The following CACNA1G variants were observed in gnomAD, a reference collection of about 807,000 sequenced individuals.
CACNA1G encodes the protein voltage-dependent T-type calcium channel subunit alpha-1G.
Under a neutral mutation model 219.4 loss-of-function variants are expected in CACNA1G, and 67 were observed. That is an observed-to-expected ratio of 0.31 (90% confidence interval 0.25 to 0.37). CACNA1G has a LOEUF of 0.37. Among genes scored for constraint, CACNA1G ranks in the 10% least tolerant of loss-of-function variants. The pLI, the probability that CACNA1G is intolerant of heterozygous loss-of-function variation, is 1.00. For synonymous variants in CACNA1G, 1,296 were observed against 1,345.3 expected (o/e 0.96, Z 0.80); for missense variants, 2,380 against 3,231.4 (o/e 0.74, Z 6.39).
chr17:50,597,851 G>A (rs1319016881), intron 16 of CACNA1G, among the ~76,000 whole-genome samples: 1 of 152,098 alleles, frequency 6.6e-6, no homozygotes, highest in East Asian at 1.9e-4. Context: ...CTACTTCTAT[G>A]AGTTCAATTT....
At position 50,603,180 on chromosome 17, in the gene CACNA1G, C is replaced by T. The variant is rs1184377600; in HGVS notation, c.4150C>T (p.Arg1384Trp). 6.2e-7 allele frequency: 1 copy of T among 1,605,950 alleles called. No individual in the cohort carries two copies. The highest frequency in any genetic ancestry group is 8.5e-7 in the Non-Finnish European group (1 of 1,179,628). Reference sequence around the variant, plus strand: ...CATGCTGAGGGTGCTGCGGCTGCTGCGGACCCTGCGCCCGCTCAGGTGACT... The same window carrying T: ...CATGCTGAGGGTGCTGCGGCTGCTGTGGACCCTGCGCCCGCTCAGGTGACT... Reference protein sequence around the residue: ...LGMLRVLRLLRTLRPLRVISR... With the variant: ...LGMLRVLRLLWTLRPLRVISR... The change falls in exon 21 of 38, where the codon CGG (arginine) becomes TGG (tryptophan). Residue 1384 changes from arginine (R) to tryptophan (W), a missense_variant. Physicochemically the swap from Arg to Trp is moderately radical, Grantham distance 101. This residue lies in a region of CACNA1G where 153 missense variants were observed against 374.9 expected (regional missense o/e 0.41). Transcript: ENST00000359106. The surrounding 1 kb of genome is among the most constrained non-coding windows in gnomAD (Gnocchi z 6.4).
Position 50,626,247 on chromosome 17 carries a change from G to C in CACNA1G, c.6630G>C (p.Glu2210Asp). ...PEPNWGKGPPETRSSLELDTE... is the reference protein window; with the variant it reads ...PEPNWGKGPPDTRSSLELDTE... Reference sequence around the variant, plus strand: ...CCAACTGGGGCAAGGGCCCTCCAGAGACCAGAAGCAGCTTAGAGTTGGACA... The same window carrying C: ...CCAACTGGGGCAAGGGCCCTCCAGACACCAGAAGCAGCTTAGAGTTGGACA... The change falls in exon 38 of 38, where the codon GAG becomes GAC. Residue 2210 changes from glutamate (E) to aspartate (D), a missense_variant. Coordinates refer to ENST00000359106, the MANE Select transcript of CACNA1G (RefSeq NM_018896.5). This position sits in a 1 kb window ranked among gnomAD's most constrained non-coding sequence, Gnocchi z 4.3. 6.2e-7 allele frequency: 1 copy of C among 1,613,822 alleles called. No homozygotes were observed. Among genetic ancestry groups the C allele is most frequent in the Middle Eastern group, 1.7e-4 (1 of 6,060 alleles).
rs977253251 is a variant in CACNA1G, at chr17:50,617,282, T to A, written c.5022-156T>A. The stretch of plus-strand genomic sequence containing the variant: ...CTACTCGTGCCACCAGTTGGCTGTG[T>A]GGCCTTAGATAAGCCACGCCTCTTC... On this transcript the variant is annotated intron_variant, in intron 28 of 37. Coordinates refer to ENST00000359106, the MANE Select transcript of CACNA1G (RefSeq NM_018896.5). The surrounding 1 kb of genome is among the most constrained non-coding windows in gnomAD (Gnocchi z 5.8). 5.9e-5 allele frequency among the ~76,000 whole-genome samples: 9 copies of A among 152,234 alleles called. No homozygotes were observed. Among genetic ancestry groups the A allele is most frequent in the Non-Finnish European group, 2.9e-5 (2 of 68,030 alleles).
At chr17:50,590,815 C>A (rs1033119893) in intron 10 of CACNA1G, among the ~76,000 whole-genome samples, 193 bp downstream of exon 10, 5 of 152,130 alleles carry the variant, frequency 3.3e-5, no homozygotes, top group African/African-American at 1.2e-4. Context: ...TCTCTCTTGG[C>A]CCCACCTTGC....
In CACNA1G at chr17:50,610,021, G is replaced by A. The variant is rs571993326; in HGVS notation, c.4759+86G>A. On this transcript the variant is annotated intron_variant, in intron 26 of 37. Coordinates refer to ENST00000359106, the MANE Select transcript of CACNA1G (RefSeq NM_018896.5). ...GGCTCATTGATTCTATCCTCTTGGG[G>A]TGAAAGGGTGAGGGTCCCTGGGGCC... 83 of 1,376,014 alleles carry A rather than the reference G, an allele frequency of 6.0e-5. 1 individual carries two copies. The South Asian group carries it at 8.4e-4, about 14-fold the overall frequency. The allele number at this position is 1,376,014 out of a possible 1,614,324, so 85.2% of individuals were successfully genotyped here.
chr17:50,605,788 C>T (rs1245803054), intron 22 of CACNA1G, 110 bp from the exon 23 acceptor site: 2 of 1,201,938 alleles, frequency 1.7e-6, no homozygotes, highest in Admixed American at 2.0e-5. Flanking sequence ...AGCAGAGCAC[C>T]CCACACTCAC....
At position 50,624,487 on chromosome 17, in the gene CACNA1G, A is replaced by G; in HGVS notation, c.6357A>G (p.Pro2119=). Reference sequence around the variant, plus strand: ...GGGGCACCATCCCCAAACTGCCCCCACCAGGACGCTCCCCTTTGGCTCAGA... The same window carrying G: ...GGGGCACCATCCCCAAACTGCCCCCGCCAGGACGCTCCCCTTTGGCTCAGA... The part of the protein sequence containing the change: ...PTWGTIPKLP[P]PGRSPLAQRP... Residue 2119 remains proline (P), a synonymous_variant, in exon 37 of 38, where the codon CCA becomes CCG. Transcript: ENST00000359106. 6.2e-7 allele frequency: 1 copy of G among 1,600,180 alleles called. No homozygotes were observed. The highest frequency in any genetic ancestry group is 8.5e-7 in the Non-Finnish European group (1 of 1,173,848).
chr17:50,604,027 C>A, intron 21 of CACNA1G, 128 bp from the exon 22 acceptor site: 1 of 916,766 alleles, frequency 1.1e-6, no homozygotes, highest in Non-Finnish European at 1.5e-6. Flanking sequence ...GAAAAGAGGA[C>A]TTGTGTTCTG....
Position 50,585,611 on chromosome 17 carries a change from GACACCTA to G in CACNA1G, c.2302-4859_2302-4853del, listed in dbSNP as rs2042845957. On this transcript the variant is annotated intron_variant, in intron 9 of 37. Transcript: ENST00000359106. ...GATTAGGAGGCCCTGGGGGCACCATGACACCTAGCAGTGTGCCCAGTGGGCAGGAGGG... is the reference window on the plus strand; with the variant it reads ...GATTAGGAGGCCCTGGGGGCACCATGGCAGTGTGCCCAGTGGGCAGGAGGG... 2.6e-5 allele frequency among the ~76,000 whole-genome samples: 4 copies of G among 152,194 alleles called. No individual in the cohort carries two copies. The South Asian group carries it at 8.3e-4, about 32-fold the overall frequency.
chr17:50,624,248 C>A, intron 36 of CACNA1G, 112 bp from the exon 37 acceptor site: 3 of 1,254,378 alleles, frequency 2.4e-6, no homozygotes, highest in African/African-American at 1.5e-5. Flanking sequence ...AGGGTAGAGG[C>A]CCTGATGAGG....
rs375782901 is a variant in CACNA1G, at chr17:50,592,042, G to A, written c.2860G>A (p.Val954Met). Residue 954 changes from valine (V) to methionine (M), a missense_variant, in exon 13 of 38, where the codon GTG (valine) becomes ATG (methionine). Physicochemically the swap from Val to Met is conservative, Grantham distance 21 (BLOSUM62 1). Around this residue, in one of 17 missense-constraint regions of CACNA1G, gnomAD observed 43 missense variants for 139.4 expected, o/e 0.31. Transcript: ENST00000359106. ...FIALMTFGNY[V>M]LFNLLVAILV... ...TGCCCTCATGACCTTCGGCAACTAC[G>A]TGCTCTTCAATTTGCTGGTCGCCAT... 5.0e-6 allele frequency: 8 copies of A among 1,613,808 alleles called. No individual in the cohort carries two copies. The highest frequency in any genetic ancestry group is 2.2e-5 in the East Asian group (1 of 44,892).
rs767458253 is a variant in CACNA1G at position 50,571,260 on chromosome 17, A to C, written c.587-618A>C. 2.6e-5 allele frequency among the ~76,000 whole-genome samples: 4 copies of C among 152,206 alleles called. No individual in the cohort carries two copies. The highest frequency in any genetic ancestry group is 5.9e-5 in the Non-Finnish European group (4 of 68,036). On this transcript the variant is annotated intron_variant, in intron 4 of 37. Coordinates refer to ENST00000359106, the MANE Select transcript of CACNA1G (RefSeq NM_018896.5). This position sits in a 1 kb window ranked among gnomAD's most constrained non-coding sequence, Gnocchi z 4.3. ...TCAGAGCCATAGTGAAGCACAGGGC[A>C]TCTTGGCCCCTGCCTAGGAGCTGGC...
At position 50,606,449 on chromosome 17, in the gene CACNA1G, T is replaced by C. The variant is rs188037019; in HGVS notation, c.4422+426T>C. The C allele has an allele frequency of 6.8e-6, 4 of 591,228 alleles. No individual in the cohort carries two copies. The East Asian group carries it at 8.3e-5, about 12-fold the overall frequency. The allele number at this position is 591,228 out of a possible 1,614,324, so 36.6% of individuals were successfully genotyped here. ...CATTAACTGGTGAATGGAGTCATAA[T>C]AGAATCTCCTCGGAGGTCACAATAA... is the stretch of plus-strand genomic sequence containing the variant. On this transcript the variant is annotated intron_variant, in intron 23 of 37. Transcript: ENST00000359106.
At chr17:50,599,894 CT>C (rs2046280707) in intron 17 of CACNA1G, 35 bp downstream of exon 17, 2 of 1,582,666 alleles carry the variant, frequency 1.3e-6, no homozygotes, top group Admixed American at 1.7e-5. Context: ...CCCCTCACCC[CT>C]GACCTTGAAA....
In CACNA1G at chr17:50,561,117, C is replaced by T. The variant is rs1191855209; in HGVS notation, c.-343C>T. On this transcript the variant is annotated 5_prime_UTR_variant, in exon 1 of 38. Coordinates refer to ENST00000359106, the MANE Select transcript of CACNA1G (RefSeq NM_018896.5). ...TTCGTTCGCCCTCTCGGGGCGGCTT[C>T]GCCGAAGGTAGCGCCGAATCCGGCA... is the stretch of plus-strand genomic sequence containing the variant. The T allele has an allele frequency of 2.2e-6, 1 of 456,818 alleles. No individual in the cohort carries two copies. The highest frequency in any genetic ancestry group is 2.7e-5 in the Admixed American group (1 of 37,710). The allele number at this position is 456,818 out of a possible 1,614,324, so 28.3% of individuals were successfully genotyped here.
chr17:50,595,392 G>A (rs1174918973), intron 14 of CACNA1G, among the ~76,000 whole-genome samples: 3 of 152,234 alleles, frequency 2.0e-5, no homozygotes, highest in Non-Finnish European at 4.4e-5. Context: ...GCGTGCCTGT[G>A]CTGAGGTCCC....
At position 50,615,591 on chromosome 17, in the gene CACNA1G, C is replaced by G; in HGVS notation, c.4911+79C>G. 3 of 1,500,690 alleles carry G rather than the reference C, an allele frequency of 2.0e-6. No homozygotes were observed. The East Asian group carries it at 7.1e-5, about 35-fold the overall frequency. The allele number at this position is 1,500,690 out of a possible 1,614,324, so 93.0% of individuals were successfully genotyped here. ...CTGGGCAAGGTTAACACAGCCTGAG[C>G]CAGGGTACCTCTGTGCCAAGCAAGT... On this transcript the variant is annotated intron_variant, in intron 27 of 37. Transcript: ENST00000359106.
chr17:50,590,330 C>G (rs1459301805), intron 9 of CACNA1G, 141 bp from the exon 10 acceptor site: 1 of 944,282 alleles, frequency 1.1e-6, no homozygotes, highest in Admixed American at 2.3e-5. Flanking sequence ...AGGGTCCTCC[C>G]CATGGGCCTG....
chr17:50,589,114 C>T (rs924202594), intron 9 of CACNA1G, among the ~76,000 whole-genome samples: 5 of 152,328 alleles, frequency 3.3e-5, no homozygotes, highest in Middle Eastern at 6.8e-3. Flanking sequence ...CCTAGTTTGT[C>T]CAGACATCCA....
Sources: gnomAD v4.1 joint callset for allele counts (sites outside exome capture counted in the v4.1 genomes callset) on GRCh38, gnomAD v4.1.1 for gene constraint, gnomAD v4.1.1 regional missense constraint, Gnocchi (gnomAD v3.1) non-coding constraint, MANE v1.5 for transcripts, NCBI Gene and HGNC (gene_info 2026-07-23, HGNC 2026-07-21) for gene names.